The following SLC7A2 variants were observed in gnomAD, a reference collection of about 807,000 sequenced individuals.
The protein encoded by SLC7A2 is cationic amino acid transporter 2.
A neutral mutation model predicts 58.9 loss-of-function variants in SLC7A2; 48 were observed. That is an observed-to-expected ratio of 0.82 (90% CI 0.65 to 1.04). The LOEUF is 1.04. Among genes scored for constraint, SLC7A2 ranks in the 50% least tolerant of loss-of-function variants. The pLI, the probability that SLC7A2 is intolerant of heterozygous loss-of-function variation, is 0.00. For synonymous variants in SLC7A2, 363 were observed against 314.5 expected, an observed-to-expected ratio of 1.15 and a Z score of -1.63; for missense variants, 1,029 against 818.8, an observed-to-expected ratio of 1.26 and a Z score of -3.13.
At chr8:17,562,177 AGTATTTTTTTTTTTTTTTT>A in intron 11 of SLC7A2, 67 bp downstream of exon 11, 10 of 601,590 alleles carry the variant, frequency 1.7e-5, no homozygotes, top group East Asian at 5.3e-5. Flanking sequence ...TAGTTTGGTA[AGTATTTTTTTTTTTTTTTT>A]TTTTTTTTTT....
At chr8:17,562,164 A>G in intron 11 of SLC7A2, 54 bp downstream of exon 11, 1 of 982,292 alleles carries the variant, frequency 1.0e-6, no homozygotes, top group East Asian at 3.2e-5. Flanking sequence ...TTCTCTGTAT[A>G]ATTAGTTTGG....
chr8:17,518,460 C>T (rs1270017032), intron 2 of SLC7A2, among the ~76,000 whole-genome samples: 1 of 152,136 alleles, frequency 6.6e-6, no homozygotes, highest in Admixed American at 6.5e-5. Flanking sequence ...GCTGCCTGTG[C>T]TTCACTTTCT....
chr8:17,534,868 C>T (rs1008691470), intron 2 of SLC7A2, among the ~76,000 whole-genome samples: 10 of 151,962 alleles, frequency 6.6e-5, no homozygotes, highest in Non-Finnish European at 1.3e-4. Flanking sequence ...TCTACAAATC[C>T]GTGTGTCCCT....
intron 2 of SLC7A2, among the ~76,000 whole-genome samples, chr8:17,543,008 C>G (rs1801980857): frequency 6.6e-6 from 1 of 152,098 alleles, no homozygotes; most frequent in Non-Finnish European, 1.5e-5. Context: ...ACAAGAATGG[C>G]AAATCTTTTT....
At chr8:17,522,836 G>A (rs985770769) in intron 2 of SLC7A2, among the ~76,000 whole-genome samples, 18 of 152,026 alleles carry the variant, frequency 1.2e-4, no homozygotes, top group African/African-American at 4.4e-4. Context: ...AGGAGTTTGG[G>A]ACCAGCCTGG....
chr8:17,563,594 C>G lies in SLC7A2; in HGVS notation c.1672-9C>G. ...TGAGTATGTTCAAAAGGATTGTTTT[C>G]CCCCTCAGGTTCCATTCTTACCATT... On this transcript the variant is annotated splice_polypyrimidine_tract_variant and intron_variant, in intron 11 of 12. Transcript: ENST00000494857. 1 of 1,531,948 alleles carries G rather than the reference C, an allele frequency of 6.5e-7. No individual in the cohort carries two copies. 94.9% of individuals were successfully genotyped at this position (1,531,948 alleles called of 1,614,324 possible). A position where few individuals can be genotyped will look rare whatever the true frequency, so the allele number is the denominator to read the frequency against.
At chr8:17,562,265 A>G (rs2150782413) in intron 11 of SLC7A2, among the ~76,000 whole-genome samples, 155 bp downstream of exon 11, 1 of 135,032 alleles carries the variant, frequency 7.4e-6, no homozygotes, top group South Asian at 2.4e-4. Context: ...CAATGGAGCG[A>G]AGTGATCTTG....
chr8:17,502,046 C>T (rs1222307217), intron 1 of SLC7A2, among the ~76,000 whole-genome samples: 3 of 151,746 alleles, frequency 2.0e-5, no homozygotes, highest in Admixed American at 6.6e-5. Context: ...TTCATCAAGT[C>T]CTCCTAAGTC....
At position 17,569,103 on chromosome 8, in the gene SLC7A2, C is replaced by T. The variant is rs1042532399; in HGVS notation, c.*3957C>T. 1 of 152,146 alleles carries T rather than the reference C, an allele frequency of 6.6e-6. No individual in the cohort carries two copies. The highest frequency in any genetic ancestry group is 1.5e-5 in the Non-Finnish European group (1 of 68,036). 9.4% of individuals were successfully genotyped at this position (152,146 alleles called of 1,614,324 possible). On this transcript the variant is annotated 3_prime_UTR_variant, in exon 13 of 13. Coordinates refer to ENST00000494857, the MANE Select transcript of SLC7A2 (RefSeq NM_001370338.1). ...CATGATGACAGAGGGAGCACTTGAG[C>T]CTTGCCTTCCCTCCTCTTAAATCAG...
intron 1 of SLC7A2, 91 bp from the exon 2 acceptor site, chr8:17,502,166 G>C (rs537448573): frequency 6.7e-6 from 1 of 150,276 alleles, no homozygotes; most frequent in African/African-American, 2.4e-5. Flanking sequence ...TGAGAGGATC[G>C]CTTGAGTCTG....
At chr8:17,554,956 T>G in intron 8 of SLC7A2, 1 of 1,614,032 alleles carries the variant, frequency 6.2e-7, no homozygotes, top group South Asian at 1.1e-5. Flanking sequence ...TCTTCTGGGC[T>G]CTATGTTTCC....
chr8:17,523,193 C>G lies in SLC7A2; in HGVS notation c.-22-20125C>G, dbSNP rs576903257. Among the ~76,000 whole-genome samples, 146 of 152,050 alleles carry G rather than the reference C, an allele frequency of 9.6e-4. 1 individual carries two copies. The highest frequency in any genetic ancestry group is 3.4e-3 in the Middle Eastern group (1 of 294). On this transcript the variant is annotated intron_variant, in intron 2 of 12. Transcript: ENST00000494857. The stretch of plus-strand genomic sequence containing the variant: ...GAAAAAAGGAAAGAAAATGACCATA[C>G]GGCCAAAAGTAATCTACAAATTCAG...
rs1803195332 is a variant in SLC7A2 at position 17,564,954 on chromosome 8, C to G, written c.1785C>G (p.Phe595Leu). 1 of 1,575,214 alleles carries G rather than the reference C, an allele frequency of 6.3e-7. No individual in the cohort carries two copies. Among genetic ancestry groups the G allele is most frequent in the Non-Finnish European group, 8.6e-7 (1 of 1,164,862 alleles). ...TTTTTTTTCCTGCCCCAACAGGCTTCCTGATTTACTTTTCTTATGGCATTA... is the reference window on the plus strand; with the variant it reads ...TTTTTTTTCCTGCCCCAACAGGCTTGCTGATTTACTTTTCTTATGGCATTA... ...VRFSIWMAIG[F>L]LIYFSYGIRH... is the part of the protein sequence containing the mutation. The change falls in exon 13 of 13, where the codon TTC becomes TTG. Residue 595 changes from phenylalanine to leucine, a missense_variant. By Grantham distance (22) the Phe-to-Leu change is conservative. Transcript: ENST00000494857.
chr8:17,536,408 T>C (rs183284246), intron 2 of SLC7A2, among the ~76,000 whole-genome samples: 14 of 151,958 alleles, frequency 9.2e-5, no homozygotes, highest in Admixed American at 2.6e-4. Context: ...CTACCAAAAA[T>C]ACAAAAAAGA....
intron 5 of SLC7A2, among the ~76,000 whole-genome samples, chr8:17,549,557 C>A (rs1417904533): frequency 6.6e-6 from 1 of 152,142 alleles, no homozygotes; most frequent in Admixed American, 6.5e-5. Context: ...ATTTTTGAGT[C>A]CTGCATCCTT....
At position 17,551,805 on chromosome 8, in the gene SLC7A2, A is replaced by C; in HGVS notation, c.874A>C (p.Ile292Leu). 4 of 1,613,926 alleles carry C rather than the reference A, an allele frequency of 2.5e-6. No individual in the cohort carries two copies. Among genetic ancestry groups the C allele is most frequent in the Non-Finnish European group, 3.4e-6 (4 of 1,179,990 alleles). ...RNPQKAIPIG[I>L]VTSLLVCFMA... ...TCCCCAGAAAGCTATTCCCATTGGA[A>C]TTGTGACGTCTTTGCTTGTTTGCTT... The change falls in exon 7 of 13, where the codon ATT becomes CTT. Residue 292 changes from isoleucine to leucine, a missense_variant. By Grantham distance (5) the Ile-to-Leu change is conservative (BLOSUM62 2). Coordinates refer to ENST00000494857, the MANE Select transcript of SLC7A2 (RefSeq NM_001370338.1).
chr8:17,559,184 C>G (rs1802846294), intron 9 of SLC7A2, among the ~76,000 whole-genome samples: 1 of 152,072 alleles, frequency 6.6e-6, no homozygotes, highest in South Asian at 2.1e-4. Flanking sequence ...CACTGAAAAG[C>G]CTGGGGCAGA....
chr8:17,521,513 T>G (rs1801014739), intron 2 of SLC7A2, among the ~76,000 whole-genome samples: 1 of 152,224 alleles, frequency 6.6e-6, no homozygotes, highest in Non-Finnish European at 1.5e-5. Flanking sequence ...TCATTCACAC[T>G]CATCCCTGTC....
chr8:17,542,657 A>AAAAAAAAAAAAT (rs78569276), intron 2 of SLC7A2, among the ~76,000 whole-genome samples: 1 of 150,058 alleles, frequency 6.7e-6, no homozygotes, highest in Non-Finnish European at 1.5e-5. Context: ...TCTCAAAAAA[A>AAAAAAAAAAAAT]AAAGAAAAAG....
Sources: gnomAD v4.1 joint callset for allele counts (sites outside exome capture counted in the v4.1 genomes callset) on GRCh38, gnomAD v4.1.1 for gene constraint, MANE v1.5 for transcripts, NCBI Gene and HGNC (gene_info 2026-07-23, HGNC 2026-07-21) for gene names.